Variants in H2BC5 observed in about 807,000 individuals in gnomAD.
H2BC5 encodes the protein H2B clustered histone 5.
A neutral mutation model predicts 5.7 loss-of-function variants in H2BC5; 9 were observed. The observed-to-expected ratio is 1.57, with a 90% CI of 0.95 to 2.74. The LOEUF is 2.74. Ranked by LOEUF, H2BC5 falls within the 30% of genes most tolerant of loss-of-function variation. H2BC5 has a pLI of 0.00. For synonymous variants in H2BC5, 133 were observed against 70.9 expected (o/e 1.88, Z -4.40); for missense variants, 175 against 168.8 (o/e 1.04, Z -0.20).
chr6:26,158,729 G>A (rs527572983), downstream of H2BC5: 30 of 1,048,244 alleles, frequency 2.9e-5, no homozygotes, highest in South Asian at 4.8e-4. Context: ...AAGTTACAGG[G>A]AATAACAATA....
intron 1 of H2BC5, chr6:26,164,417 A>T (rs1372952285): frequency 9.9e-6 from 2 of 202,268 alleles, no homozygotes; most frequent in Non-Finnish European, 2.2e-5. Context: ...CAGTCCCAGG[A>T]CAGGGAACAA....
downstream of H2BC5, among the ~76,000 whole-genome samples, chr6:26,162,905 CACTTTG>C (rs956727918): frequency 2.0e-5 from 3 of 152,072 alleles, no homozygotes; most frequent in African/African-American, 7.2e-5. Context: ...TTTATTCGAT[CACTTTG>C]ACTTCTGAAG....
At chr6:26,169,905 AAAAG>A (rs1221839653) in intron 1 of H2BC5, among the ~76,000 whole-genome samples, 67 of 152,226 alleles carry the variant, frequency 4.4e-4, no homozygotes, top group African/African-American at 1.5e-3. Flanking sequence ...CATCTCAAAA[AAAAG>A]AAAAAAAAGA....
chr6:26,161,767 T>A (rs1379100352), downstream of H2BC5, among the ~76,000 whole-genome samples: 1 of 152,066 alleles, frequency 6.6e-6, no homozygotes, highest in African/African-American at 2.4e-5. Flanking sequence ...AGTGAGACCT[T>A]GTCTCAAATA....
At chr6:26,158,655 T>C, downstream of H2BC5, 2 of 1,514,532 alleles carry the variant, frequency 1.3e-6, no homozygotes, top group Non-Finnish European at 1.8e-6. Context: ...AGGGGGGTTA[T>C]TGGACTTAGC....
chr6:26,158,421 C>T lies in H2BC5; in HGVS notation c.252C>T (p.Tyr84=). The change falls in exon 1 of 1, where the codon TAC becomes TAT. Residue 84 remains tyrosine, a synonymous_variant. Transcript: ENST00000377777. ...GCGAGGCTTCCCGCCTGGCGCATTACAACAAGCGCTCGACCATCACCTCCA... is the reference window on the plus strand; with the variant it reads ...GCGAGGCTTCCCGCCTGGCGCATTATAACAAGCGCTCGACCATCACCTCCA... The part of the protein sequence containing the change: ...IAGEASRLAH[Y]NKRSTITSRE... 1 of 1,614,278 alleles carries T rather than the reference C, an allele frequency of 6.2e-7. No individual in the cohort carries two copies. Among genetic ancestry groups the T allele is most frequent in the Non-Finnish European group, 8.5e-7 (1 of 1,180,040 alleles).
chr6:26,161,569 G>A (rs894606591), downstream of H2BC5, among the ~76,000 whole-genome samples: 2 of 152,082 alleles, frequency 1.3e-5, no homozygotes, highest in African/African-American at 4.8e-5. Flanking sequence ...CCAGGAGTTG[G>A]AGACCAGCCT....
At chr6:26,168,382 C>T (rs543053115) in intron 1 of H2BC5, among the ~76,000 whole-genome samples, 21 of 151,630 alleles carry the variant, frequency 1.4e-4, no homozygotes, top group Non-Finnish European at 2.8e-4. Context: ...CGCTTGAACC[C>T]GGGAGGCAGA....
chr6:26,167,608 G>A lies in H2BC5; in HGVS notation c.*10-3367G>A, dbSNP rs574037095. Among the ~76,000 whole-genome samples the A allele has an allele frequency of 5.3e-4, 80 of 152,306 alleles. 1 individual carries two copies. Among genetic ancestry groups the A allele is most frequent in the East Asian group, 2.9e-3 (15 of 5,186 alleles). On this transcript the variant is annotated intron_variant, in intron 1 of 1. Coordinates refer to the H2BC5 transcript ENST00000289316. Reference sequence around the variant, plus strand: ...GAGAAGAGCCAAGGAAGATGACTACGGAGGGTGAGGGTTGTTTTTTTCAAA... The same window carrying A: ...GAGAAGAGCCAAGGAAGATGACTACAGAGGGTGAGGGTTGTTTTTTTCAAA...
chr6:26,162,312 AATGTTCG>A (rs1290510107), downstream of H2BC5, among the ~76,000 whole-genome samples: 7 of 151,854 alleles, frequency 4.6e-5, no homozygotes, highest in African/African-American at 9.6e-5. Flanking sequence ...AGCAAATAAA[AATGTTCG>A]ATATTCTCTC....
chr6:26,166,514 A>C (rs1764427122), intron 1 of H2BC5, among the ~76,000 whole-genome samples: 1 of 152,032 alleles, frequency 6.6e-6, no homozygotes, highest in South Asian at 2.1e-4. Flanking sequence ...TGGGGGCACA[A>C]AGAAGCCTTG....
At chr6:26,164,595 T>TA (rs765899430) in intron 1 of H2BC5, among the ~76,000 whole-genome samples, 27 of 133,276 alleles carry the variant, frequency 2.0e-4, no homozygotes, top group Admixed American at 9.3e-4. Context: ...CAAGGGAGAT[T>TA]TTATATATAT....
chr6:26,159,054 A>G (rs143349769), downstream of H2BC5, among the ~76,000 whole-genome samples: 193 of 152,292 alleles, frequency 1.3e-3, 2 homozygotes, highest in East Asian at 0.032. Flanking sequence ...TGTGAGCTGA[A>G]CACGGAACTA....
chr6:26,158,927 C>T (rs576194287), downstream of H2BC5, among the ~76,000 whole-genome samples: 3 of 152,320 alleles, frequency 2.0e-5, no homozygotes, highest in African/African-American at 7.2e-5. Context: ...CACGAAAGTG[C>T]ACGCTCTTGA....
Position 26,158,267 on chromosome 6 carries a change from G to A in H2BC5, c.98G>A (p.Ser33Asn), listed in dbSNP as rs2113830814. The change falls in exon 1 of 1, where the codon AGC becomes AAC. Residue 33 changes from serine to asparagine, a missense_variant. Coordinates refer to ENST00000377777, the MANE Select transcript of H2BC5 (RefSeq NM_021063.4). ...QKKDGKKRKR[S>N]RKESYSVYVY... ...AAGGACGGGAAGAAGCGCAAGCGCAGCCGCAAGGAGAGCTATTCAGTGTAT... is the reference window on the plus strand; with the variant it reads ...AAGGACGGGAAGAAGCGCAAGCGCAACCGCAAGGAGAGCTATTCAGTGTAT... 1 of 1,614,268 alleles carries A rather than the reference G, an allele frequency of 6.2e-7. No homozygotes were observed. The highest frequency in any genetic ancestry group is 8.5e-7 in the Non-Finnish European group (1 of 1,180,054).
At chr6:26,164,328 G>A in intron 1 of H2BC5, 1 of 246,520 alleles carries the variant, frequency 4.1e-6, no homozygotes, top group Non-Finnish European at 8.8e-6. Context: ...ACACAGATTT[G>A]GGAAAGTGAA....
chr6:26,161,845 A>T (rs1209478790), downstream of H2BC5, among the ~76,000 whole-genome samples: 2 of 152,220 alleles, frequency 1.3e-5, no homozygotes, highest in East Asian at 3.8e-4. Flanking sequence ...ACCTAATCAC[A>T]GTACCAGAAG....
chr6:26,164,143 G>T, intron 1 of H2BC5: 1 of 447,514 alleles, frequency 2.2e-6, no homozygotes, highest in Non-Finnish European at 4.5e-6. Context: ...CCGTGGGTGA[G>T]GAGGCCAACC....
intron 1 of H2BC5, among the ~76,000 whole-genome samples, chr6:26,168,611 G>A (rs1764471910): frequency 6.6e-6 from 1 of 151,944 alleles, no homozygotes; most frequent in Non-Finnish European, 1.5e-5. Context: ...AGACTACATA[G>A]AAATCAAATG....
Sources: gnomAD v4.1 joint callset for allele counts (sites outside exome capture counted in the v4.1 genomes callset) on GRCh38, gnomAD v4.1.1 for gene constraint, MANE v1.5 for transcripts, NCBI Gene and HGNC (gene_info 2026-07-23, HGNC 2026-07-21) for gene names.